Variants in BCAS3 observed in about 807,000 individuals in gnomAD.
BCAS3 encodes BCAS4/BCAS3 fusion.
BCAS3 carries 53 observed loss-of-function variants against 116.1 expected under a neutral mutation model. The observed-to-expected ratio is 0.46, with a 90% CI of 0.37 to 0.57. The LOEUF is 0.57. Ranked by LOEUF, BCAS3 falls within the 20% of genes least tolerant of loss-of-function variation. BCAS3 has a pLI of 0.00. For missense variants in BCAS3, 917 were observed against 1,165.4 expected, an observed-to-expected ratio of 0.79 and a Z score of 3.10; for synonymous variants, 391 against 408.2, an observed-to-expected ratio of 0.96 and a Z score of 0.51.
At chr17:60,947,830 A>G (rs1321602616) in intron 14 of BCAS3, among the ~76,000 whole-genome samples, 2 of 152,198 alleles carry the variant, frequency 1.3e-5, no homozygotes, top group South Asian at 2.1e-4. Context: ...AGTTGCGCAC[A>G]TCCCTCCTTG....
intron 6 of BCAS3, among the ~76,000 whole-genome samples, chr17:60,765,075 T>C (rs1453609128): frequency 1.3e-5 from 2 of 152,184 alleles, no homozygotes; most frequent in Non-Finnish European, 2.9e-5. Flanking sequence ...ATTTTGAGCC[T>C]ATATGCGTCT....
chr17:61,382,010 T>A (rs942841054), intron 23 of BCAS3, among the ~76,000 whole-genome samples: 7 of 151,994 alleles, frequency 4.6e-5, no homozygotes, highest in Non-Finnish European at 7.4e-5. Flanking sequence ...AAATGAAAAA[T>A]ACCCCCACTT....
At chr17:61,040,977 C>A in intron 19 of BCAS3, 85 bp downstream of exon 19, 1 of 1,161,088 alleles carries the variant, frequency 8.6e-7, no homozygotes, top group Non-Finnish European at 1.3e-6. Context: ...CAAACATTAC[C>A]ACTGGTCCAT....
In BCAS3 at chr17:61,198,132, G is replaced by GTTTTTTTTTTTTTTT. The variant is rs11311858; in HGVS notation, c.2425+113580_2425+113581insTTTTTTTTTTTTTTT. On this transcript the variant is annotated intron_variant, in intron 22 of 23. Coordinates refer to ENST00000407086, the MANE Select transcript of BCAS3 (RefSeq NM_017679.5). The surrounding 1 kb of genome is among the most constrained non-coding windows in gnomAD (Gnocchi z 5.0). ...GCGATTAAGATAAAGTGCAAGATAT[G>GTTTTTTTTTTTTTTT]TTTTTTTTTTTTCTTTTTTTTTTTT... 7.0e-6 allele frequency among the ~76,000 whole-genome samples: 1 copy of GTTTTTTTTTTTTTTT among 143,654 alleles called. No individual in the cohort carries two copies. 94.2% of individuals were successfully genotyped at this position (143,654 alleles called of 152,430 possible).
intron 22 of BCAS3, among the ~76,000 whole-genome samples, chr17:61,091,957 C>G (rs1386034604): frequency 6.6e-6 from 1 of 152,156 alleles, no homozygotes; most frequent in East Asian, 1.9e-4. Flanking sequence ...TTATACTCAG[C>G]CACCACTCAC....
At chr17:61,147,994 AAAAG>A (rs1030000953) in intron 22 of BCAS3, among the ~76,000 whole-genome samples, 58 of 151,920 alleles carry the variant, frequency 3.8e-4, no homozygotes, top group African/African-American at 1.4e-3. Flanking sequence ...CTCAGAAAAA[AAAAG>A]AAAGAAAGAA....
chr17:60,932,292 T>A (rs1218708420), intron 13 of BCAS3, among the ~76,000 whole-genome samples: 1 of 152,146 alleles, frequency 6.6e-6, no homozygotes, highest in Non-Finnish European at 1.5e-5. Context: ...TGATACTGAG[T>A]AAGTGTACAT....
chr17:60,866,531 G>A (rs2054609263), intron 7 of BCAS3, among the ~76,000 whole-genome samples: 1 of 152,030 alleles, frequency 6.6e-6, no homozygotes, highest in Non-Finnish European at 1.5e-5. Context: ...TTTAGTTTTT[G>A]GATATGTGCT....
chr17:61,388,472 T>C lies in BCAS3; in HGVS notation c.2594-3505T>C. 1.5e-6 allele frequency: 1 copy of C among 676,148 alleles called. No individual in the cohort carries two copies. The highest frequency in any genetic ancestry group is 1.8e-5 in the African/African-American group (1 of 55,052). 41.9% of individuals were successfully genotyped at this position (676,148 alleles called of 1,614,324 possible). On this transcript the variant is annotated intron_variant, in intron 23 of 23. Transcript: ENST00000407086. This position sits in a 1 kb window ranked among gnomAD's most constrained non-coding sequence, Gnocchi z 6.5. Reference sequence around the variant, plus strand: ...CAGCCCCTACACATGCATGTCACTGTCCTCCTTGACTGCAAACTCCCCCTC... The same window carrying C: ...CAGCCCCTACACATGCATGTCACTGCCCTCCTTGACTGCAAACTCCCCCTC...
Position 61,208,877 on chromosome 17 carries a change from GAA to G in BCAS3, c.2425+124327_2425+124328del, listed in dbSNP as rs11299754. On this transcript the variant is annotated intron_variant, in intron 22 of 23. Coordinates refer to ENST00000407086, the MANE Select transcript of BCAS3 (RefSeq NM_017679.5). The surrounding 1 kb of genome is among the most constrained non-coding windows in gnomAD (Gnocchi z 4.5). ...TTGCTAAGAGAAAAGTGCTAAAAAGGAAAAAAAAAAAAAAAGGAGGGCCTGTA... is the reference window on the plus strand; with the variant it reads ...TTGCTAAGAGAAAAGTGCTAAAAAGGAAAAAAAAAAAAAGGAGGGCCTGTA... Among the ~76,000 whole-genome samples, 454 of 143,586 alleles carry G rather than the reference GAA, an allele frequency of 3.2e-3. 1 individual carries two copies. The highest frequency in any genetic ancestry group is 6.2e-3 in the East Asian group (30 of 4,864). The allele number at this position is 143,586 out of a possible 152,430, so 94.2% of individuals were successfully genotyped here.
In BCAS3 at chr17:61,302,331, A is replaced by G. The variant is rs2053519061; in HGVS notation, c.2426-65996A>G. Among the ~76,000 whole-genome samples the G allele has an allele frequency of 6.6e-6, 1 of 152,208 alleles. No homozygotes were observed. Among genetic ancestry groups the G allele is most frequent in the Non-Finnish European group, 1.5e-5 (1 of 68,038 alleles). ...TCTCCAGAGACGACTTCAAGTATTC[A>G]GCAATAACTCATGTCCACTTAATGT... On this transcript the variant is annotated intron_variant, in intron 22 of 23. Coordinates refer to ENST00000407086, the MANE Select transcript of BCAS3 (RefSeq NM_017679.5). The surrounding 1 kb of genome is among the most constrained non-coding windows in gnomAD (Gnocchi z 4.4).
chr17:61,164,453 G>A (rs1242409266), intron 22 of BCAS3, among the ~76,000 whole-genome samples: 1 of 152,016 alleles, frequency 6.6e-6, no homozygotes, highest in East Asian at 1.9e-4. Flanking sequence ...ACAGGAGTTA[G>A]AGACCAGCCT....
At chr17:61,168,223 A>G (rs2078632431) in intron 22 of BCAS3, among the ~76,000 whole-genome samples, 1 of 151,442 alleles carries the variant, frequency 6.6e-6, no homozygotes, top group Non-Finnish European at 1.5e-5. Context: ...CCCTTCCACA[A>G]TTTCCCCTCT....
At position 61,368,298 on chromosome 17, in the gene BCAS3, C is replaced by G. The variant is rs115478503; in HGVS notation, c.2426-29C>G. ...GGCCTGCTCCCTGAAGGTGTGGACT[C>G]AACGTCAGATGTCCCGTGTGTGCCA... On this transcript the variant is annotated intron_variant, in intron 22 of 23. Coordinates refer to ENST00000407086, the MANE Select transcript of BCAS3 (RefSeq NM_017679.5). This position sits in a 1 kb window ranked among gnomAD's most constrained non-coding sequence, Gnocchi z 6.0. The G allele has an allele frequency of 2.0e-3, 3,113 of 1,565,070 alleles. 62 individuals carry two copies. In the African/African-American group the frequency reaches 0.038, roughly 19 times the overall value.
intron 12 of BCAS3, among the ~76,000 whole-genome samples, chr17:60,917,472 G>A (rs550301488): frequency 3.0e-4 from 45 of 152,224 alleles, no homozygotes; most frequent in African/African-American, 9.6e-4. Flanking sequence ...CATACCTGTC[G>A]TAACATATAT....
intron 6 of BCAS3, among the ~76,000 whole-genome samples, chr17:60,792,403 G>T (rs1015355281): frequency 6.6e-6 from 1 of 152,198 alleles, no homozygotes; most frequent in Non-Finnish European, 1.5e-5. Context: ...GCTTACACAT[G>T]CCTCACCACT....
At chr17:61,291,635 C>G (rs1786988624) in intron 22 of BCAS3, among the ~76,000 whole-genome samples, 1 of 152,264 alleles carries the variant, frequency 6.6e-6, no homozygotes, top group Non-Finnish European at 1.5e-5. Context: ...GGTATCACCT[C>G]TGCAGGCTCC....
chr17:60,887,024 GC>G (rs1328533281), intron 9 of BCAS3: 1 of 156,428 alleles, frequency 6.4e-6, no homozygotes, highest in Non-Finnish European at 1.4e-5. Context: ...CTGGGCAATG[GC>G]GGGCGCCCCT....
chr17:60,679,053 G>A (rs188451596), intron 1 of BCAS3, among the ~76,000 whole-genome samples: 3 of 152,104 alleles, frequency 2.0e-5, no homozygotes, highest in Admixed American at 2.0e-4. Context: ...GTGAAACCCC[G>A]TCGCTACAAA....
Sources: gnomAD v4.1 joint callset for allele counts (sites outside exome capture counted in the v4.1 genomes callset) on GRCh38, gnomAD v4.1.1 for gene constraint, Gnocchi (gnomAD v3.1) non-coding constraint, MANE v1.5 for transcripts, NCBI Gene and HGNC (gene_info 2026-07-23, HGNC 2026-07-21) for gene names.